NPSR1: variants seen among roughly 807,000 people sequenced by gnomAD.
NPSR1 encodes the protein neuropeptide S receptor 1.
A neutral mutation model predicts 46.9 loss-of-function variants in NPSR1; 48 were observed. The ratio of observed to expected loss-of-function variants is 1.02; its 90% CI spans 0.81 to 1.30. NPSR1 has a LOEUF of 1.30. Ranked by LOEUF, NPSR1 falls within the 50% of genes most tolerant of loss-of-function variation. The pLI is 0.00. For missense variants in NPSR1, 450 were observed against 449.5 expected (o/e 1.00, Z -0.01); for synonymous variants, 176 against 168.1 (o/e 1.05, Z -0.36).
chr7:34,809,550 G>C (rs1788881994), intron 3 of NPSR1, among the ~76,000 whole-genome samples: 1 of 144,940 alleles, frequency 6.9e-6, no homozygotes, highest in Non-Finnish European at 1.5e-5. Flanking sequence ...TGCAAGCTCT[G>C]CCTCCCGGGT....
At chr7:34,749,178 A>G (rs1162048526) in intron 2 of NPSR1, among the ~76,000 whole-genome samples, 1 of 151,930 alleles carries the variant, frequency 6.6e-6, no homozygotes, top group Non-Finnish European at 1.5e-5. Flanking sequence ...CTGTGTGGCC[A>G]CTCTCAGTTT....
rs146498171 is a variant in NPSR1 at position 34,771,238 on chromosome 7, C to T, written c.281-7224C>T. Among the ~76,000 whole-genome samples, 1,061 of 152,170 alleles carry T rather than the reference C, an allele frequency of 7.0e-3. 16 individuals are homozygous for T. Among genetic ancestry groups the T allele is most frequent in the Middle Eastern group, 0.031 (9 of 294 alleles). ...TCACTTGAGCCCGGGAGTTCAAGACCAGCCTGGGCAACATAGTGAGATCCC... is the reference window on the plus strand; with the variant it reads ...TCACTTGAGCCCGGGAGTTCAAGACTAGCCTGGGCAACATAGTGAGATCCC... On this transcript the variant is annotated intron_variant, in intron 2 of 8. Transcript: ENST00000360581.
chr7:34,842,108 C>T (rs1251436347), intron 6 of NPSR1, among the ~76,000 whole-genome samples: 1 of 152,236 alleles, frequency 6.6e-6, no homozygotes, highest in African/African-American at 2.4e-5. Context: ...AGATATCCAA[C>T]ATCCAAGCTT....
At chr7:34,807,300 T>C (rs529693574) in intron 3 of NPSR1, among the ~76,000 whole-genome samples, 10 of 152,324 alleles carry the variant, frequency 6.6e-5, no homozygotes, top group Admixed American at 5.2e-4. Context: ...TTGAAATGTC[T>C]AGATATTTTA....
rs1378556862 is a variant in NPSR1 at position 34,718,922 on chromosome 7, T to C, written c.280+34238T>C. 2.0e-5 allele frequency: 3 copies of C among 152,352 alleles called. No individual in the cohort carries two copies. In the East Asian group the frequency reaches 5.8e-4, roughly 29 times the overall value. The allele number at this position is 152,352 out of a possible 1,614,324, so 9.4% of individuals were successfully genotyped here. ...ACATAGAAAGATTGGGAGATAATCA[T>C]CTTTCTCTGTTTTACAGATGAGAAA... On this transcript the variant is annotated intron_variant, in intron 2 of 8. Coordinates refer to ENST00000360581, the MANE Select transcript of NPSR1 (RefSeq NM_207172.2).
intron 8 of NPSR1, among the ~76,000 whole-genome samples, chr7:34,869,624 A>G (rs544135315): frequency 9.9e-5 from 15 of 151,958 alleles, no homozygotes; most frequent in East Asian, 3.9e-4. Context: ...TACACACATT[A>G]TAGGCCTTAT....
At chr7:34,724,098 T>A (rs564585193) in intron 2 of NPSR1, among the ~76,000 whole-genome samples, 3 of 152,340 alleles carry the variant, frequency 2.0e-5, no homozygotes, top group African/African-American at 7.2e-5. Context: ...ACCTTTGCTT[T>A]CAAAATCACC....
chr7:34,827,494 C>T lies in NPSR1; in HGVS notation c.572C>T (p.Ser191Phe), dbSNP rs749301919. ...TLIIFGKRTL[S>F]NGEVQCWALW... is the part of the protein sequence containing the mutation. The stretch of plus-strand genomic sequence containing the variant: ...ATCATATTTGGGAAGAGGACACTGT[C>T]CAACGGTGAAGTGCAGTGCTGGGCC... The change falls in exon 5 of 9, where the codon TCC becomes TTC. Residue 191 changes from serine to phenylalanine, a missense_variant. Coordinates refer to ENST00000360581, the MANE Select transcript of NPSR1 (RefSeq NM_207172.2). 5 of 1,613,950 alleles carry T rather than the reference C, an allele frequency of 3.1e-6. No homozygotes were observed. In the African/African-American group the frequency reaches 5.3e-5, roughly 17 times the overall value.
intron 2 of NPSR1, among the ~76,000 whole-genome samples, chr7:34,709,162 C>G (rs1794259929): frequency 6.6e-6 from 1 of 152,070 alleles, no homozygotes; most frequent in South Asian, 2.1e-4. Flanking sequence ...ATTTGGCGGC[C>G]TCATTACGTT....
chr7:34,856,792 G>GT (rs1791059672), intron 8 of NPSR1, among the ~76,000 whole-genome samples: 1 of 151,568 alleles, frequency 6.6e-6, no homozygotes, highest in East Asian at 1.9e-4. Flanking sequence ...TTCTTCTTTG[G>GT]TAAGTCTAGA....
rs911644051 is a variant in NPSR1, at chr7:34,733,375, C to T, written c.281-45087C>T. On this transcript the variant is annotated intron_variant, in intron 2 of 8. Coordinates refer to ENST00000360581, the MANE Select transcript of NPSR1 (RefSeq NM_207172.2). The stretch of plus-strand genomic sequence containing the variant: ...TGGAAGTTGCAGTGAGCCACGATCA[C>T]GCCACTGCACTCCACCCTGGGTAAC... Among the ~76,000 whole-genome samples the T allele has an allele frequency of 6.7e-5, 10 of 148,330 alleles. No individual in the cohort carries two copies. In the South Asian group the frequency reaches 8.4e-4, roughly 12 times the overall value.
intron 3 of NPSR1, among the ~76,000 whole-genome samples, chr7:34,780,882 C>A (rs1353449895): frequency 6.6e-6 from 1 of 152,136 alleles, no homozygotes; most frequent in Non-Finnish European, 1.5e-5. Context: ...CTCCTCTGGG[C>A]ATTCGTCAAA....
intron 3 of NPSR1, among the ~76,000 whole-genome samples, chr7:34,803,492 G>A (rs769776527): frequency 7.2e-4 from 109 of 151,590 alleles, no homozygotes; most frequent in Non-Finnish European, 1.2e-3. Context: ...CCGCAGGTTC[G>A]CACTCATAGG....
chr7:34,727,400 G>A (rs769851275), intron 2 of NPSR1, among the ~76,000 whole-genome samples: 27 of 152,092 alleles, frequency 1.8e-4, no homozygotes, highest in Non-Finnish European at 3.2e-4. Flanking sequence ...AAATAAAGAG[G>A]CCTGATGTAT....
chr7:34,703,387 T>C (rs1351224044), intron 2 of NPSR1, among the ~76,000 whole-genome samples: 1 of 137,458 alleles, frequency 7.3e-6, no homozygotes, highest in Non-Finnish European at 1.6e-5. Flanking sequence ...AATAAATAAA[T>C]AAATAAATAA....
At chr7:34,725,317 A>C (rs1179139288) in intron 2 of NPSR1, among the ~76,000 whole-genome samples, 1 of 152,210 alleles carries the variant, frequency 6.6e-6, no homozygotes, top group Non-Finnish European at 1.5e-5. Context: ...CTGAATACCC[A>C]TAATAACATT....
chr7:34,783,158 T>C (rs1432103828), intron 3 of NPSR1, among the ~76,000 whole-genome samples: 2 of 151,930 alleles, frequency 1.3e-5, no homozygotes, highest in Non-Finnish European at 2.9e-5. Context: ...AAAGAGAAAA[T>C]GTGCAATGCA....
intron 8 of NPSR1, among the ~76,000 whole-genome samples, chr7:34,858,853 G>T (rs528783946): frequency 1.3e-5 from 2 of 151,848 alleles, no homozygotes; most frequent in Admixed American, 1.3e-4. Flanking sequence ...GGAGCTACAG[G>T]ATGAGATCTG....
chr7:34,753,254 A>G (rs1449200270), intron 2 of NPSR1, among the ~76,000 whole-genome samples: 1 of 152,208 alleles, frequency 6.6e-6, no homozygotes, highest in Admixed American at 6.5e-5. Flanking sequence ...GATCAGGAGG[A>G]ATAAAAGCCC....
Sources: allele counts gnomAD v4.1 joint callset (sites outside exome capture counted in the v4.1 genomes callset), GRCh38; gene constraint gnomAD v4.1.1; transcripts MANE v1.5; gene names NCBI Gene and HGNC (gene_info 2026-07-23, HGNC 2026-07-21).